FAM114A1: variants seen among roughly 807,000 people sequenced by gnomAD.
FAM114A1 encodes family with sequence similarity 114 member A1, also known as protein NOXP20.
FAM114A1 carries 62 observed loss-of-function variants against 64.3 expected under a neutral mutation model. That is an observed-to-expected ratio of 0.96 (90% CI 0.79 to 1.19). The LOEUF (loss-of-function observed/expected upper bound fraction) is 1.19. Ranked by LOEUF, FAM114A1 falls within the 50% of genes most tolerant of loss-of-function variation. FAM114A1 has a pLI of 0.00. For synonymous variants in FAM114A1, 254 were observed against 251.1 expected (o/e 1.01, Z -0.11); for missense variants, 645 against 676.3 (o/e 0.95, Z 0.51).
chr4:38,910,361 C>T (rs778890131), intron 7 of FAM114A1, among the ~76,000 whole-genome samples: 5 of 152,194 alleles, frequency 3.3e-5, no homozygotes, highest in South Asian at 2.1e-4. Context: ...GTTTACCTTT[C>T]GCTCTCACAA....
intron 4 of FAM114A1, among the ~76,000 whole-genome samples, chr4:38,903,220 G>A (rs1029050966): frequency 1.3e-5 from 2 of 152,160 alleles, no homozygotes; most frequent in Admixed American, 6.5e-5. Flanking sequence ...GTAACAAAGT[G>A]ATTTTTCTAG....
intron 3 of FAM114A1, among the ~76,000 whole-genome samples, chr4:38,889,851 T>A (rs1034311732): frequency 2.6e-5 from 4 of 152,142 alleles, no homozygotes; most frequent in African/African-American, 9.7e-5. Flanking sequence ...AGAATGGAGA[T>A]AGGCAGCTAC....
intron 1 of FAM114A1, chr4:38,868,087 G>A: frequency 2.4e-6 from 1 of 421,260 alleles, no homozygotes; most frequent in Non-Finnish European, 4.9e-6. Flanking sequence ...GTGTCGCTCC[G>A]GGTCCACGCT....
chr4:38,910,587 G>C (rs7696349), intron 7 of FAM114A1, among the ~76,000 whole-genome samples: 75,695 of 152,006 alleles, frequency 0.5, 21,511 homozygotes, highest in African/African-American at 0.77. Flanking sequence ...AAGAGGTGAT[G>C]AGGAATCAGA....
intron 13 of FAM114A1, among the ~76,000 whole-genome samples, chr4:38,937,206 C>T (rs1721185357): frequency 6.6e-6 from 1 of 152,188 alleles, no homozygotes; most frequent in Admixed American, 6.5e-5. Context: ...GCTGCTCTAA[C>T]AAAGTACCAT....
In FAM114A1 at chr4:38,914,938, G is replaced by A. The variant is rs1718890771; in HGVS notation, c.810G>A (p.Lys270=). 1.2e-6 allele frequency: 2 copies of A among 1,613,960 alleles called. No individual in the cohort carries two copies. Among genetic ancestry groups the A allele is most frequent in the Non-Finnish European group, 1.7e-6 (2 of 1,179,998 alleles). Residue 270 remains lysine (K), a synonymous_variant, in exon 8 of 15, where the codon AAG becomes AAA. Transcript: ENST00000358869. ...TTCTGCAGATGTTAAGGGAAGCTAA[G>A]GAGAAGGAGAAGCAGAGACTGGCAC... ...VSLSQMLREA[K]EKEKQRLAQQ... is the part of the protein sequence containing the mutation.
chr4:38,879,905 G>A (rs1289753252), intron 3 of FAM114A1, among the ~76,000 whole-genome samples: 7 of 151,446 alleles, frequency 4.6e-5, no homozygotes, highest in Non-Finnish European at 8.8e-5. Flanking sequence ...CTGTCTCTAC[G>A]AAAAATACAA....
At position 38,908,724 on chromosome 4, in the gene FAM114A1, C is replaced by T. The variant is rs1718259085; in HGVS notation, c.790C>T (p.Gln264Ter). 1 of 1,595,994 alleles carries T rather than the reference C, an allele frequency of 6.3e-7. No homozygotes were observed. The highest frequency in any genetic ancestry group is 1.7e-5 in the Admixed American group (1 of 59,758). ...TLMERTVSLS[Q>*]MLREAKEKEK... ...CATGGAGAGAACTGTTTCCTTGTCT[C>T]AGGTTGGATTATATACGTTTGCAAT... The change falls in exon 7 of 15, where the codon CAG becomes TAG. Residue 264 changes from glutamine to a stop codon, truncating the protein, a stop_gained and splice_region_variant. Transcript: ENST00000358869. LOFTEE classifies it high-confidence loss of function.
rs1719142695 is a variant in FAM114A1 at position 38,917,181 on chromosome 4, T to TAAATAA, written c.945+2112_945+2117dup. ...ATAAATAAATAAATAAATAAATAAA[T>TAAATAA]AAATAAAAAAGCTGGGCATGGTGGC... On this transcript the variant is annotated intron_variant, in intron 8 of 14. Coordinates refer to ENST00000358869, the MANE Select transcript of FAM114A1 (RefSeq NM_138389.4). 1.4e-5 allele frequency among the ~76,000 whole-genome samples: 2 copies of TAAATAA among 146,504 alleles called. 1 individual carries two copies. Among genetic ancestry groups the TAAATAA allele is most frequent in the African/African-American group, 5.3e-5 (2 of 37,656 alleles).
intron 4 of FAM114A1, among the ~76,000 whole-genome samples, chr4:38,894,323 C>G (rs539664862): frequency 6.6e-6 from 1 of 152,228 alleles, no homozygotes; most frequent in South Asian, 2.1e-4. Flanking sequence ...ATAATAAATA[C>G]TGCATCTTGT....
chr4:38,870,755 A>G (rs2109511793), intron 2 of FAM114A1, among the ~76,000 whole-genome samples: 1 of 152,288 alleles, frequency 6.6e-6, no homozygotes, highest in South Asian at 2.1e-4. Context: ...CGGAGATGGA[A>G]ACCGTCCCAG....
chr4:38,927,616 G>C (rs1720242960), intron 9 of FAM114A1, among the ~76,000 whole-genome samples: 1 of 152,176 alleles, frequency 6.6e-6, no homozygotes, highest in Admixed American at 6.5e-5. Flanking sequence ...ACCCCAGCTA[G>C]CCCTGTTTAT....
At chr4:38,892,544 A>C (rs1001471640) in intron 4 of FAM114A1, among the ~76,000 whole-genome samples, 1 of 152,178 alleles carries the variant, frequency 6.6e-6, no homozygotes, top group Non-Finnish European at 1.5e-5. Context: ...CCTGAGTGCA[A>C]ATTTGTCATG....
At chr4:38,923,082 C>T (rs902658833) in intron 9 of FAM114A1, among the ~76,000 whole-genome samples, 189 bp downstream of exon 9, 7 of 152,138 alleles carry the variant, frequency 4.6e-5, no homozygotes, top group African/African-American at 1.7e-4. Flanking sequence ...TTTCACTGGT[C>T]GGGAACTCCT....
intron 12 of FAM114A1, among the ~76,000 whole-genome samples, chr4:38,932,786 C>T (rs1720764358): frequency 6.6e-6 from 1 of 152,130 alleles, no homozygotes; most frequent in Non-Finnish European, 1.5e-5. Flanking sequence ...CATGAGCCAC[C>T]ATACCTGGCC....
Position 38,891,843 on chromosome 4 carries a change from T to A in FAM114A1, c.436+13T>A. 2 of 1,603,844 alleles carry A rather than the reference T, an allele frequency of 1.2e-6. No homozygotes were observed. Among genetic ancestry groups the A allele is most frequent in the Non-Finnish European group, 1.7e-6 (2 of 1,175,344 alleles). On this transcript the variant is annotated intron_variant, in intron 4 of 14. Transcript: ENST00000358869. ...TCTGCCACAGTAGGTAAGCATTGTA[T>A]GTTGCATTGGAATAGACAAAGTACC...
intron 6 of FAM114A1, 32 bp downstream of exon 6, chr4:38,905,893 T>C (rs1560308109): frequency 6.3e-7 from 1 of 1,577,232 alleles, no homozygotes; most frequent in Non-Finnish European, 8.6e-7. Context: ...CTCTTTCCCC[T>C]GTATTTCCCA....
chr4:38,879,529 C>T (rs1444784583), intron 3 of FAM114A1, among the ~76,000 whole-genome samples: 2 of 152,160 alleles, frequency 1.3e-5, no homozygotes, highest in Non-Finnish European at 2.9e-5. Context: ...CTCCTGTATT[C>T]AAGATTGGGC....
At position 38,922,790 on chromosome 4, in the gene FAM114A1, A is replaced by C. The variant is rs777759223; in HGVS notation, c.966A>C (p.Ser322=). Residue 322 remains serine (S), a synonymous_variant, in exon 9 of 15, where the codon TCA becomes TCC. Transcript: ENST00000358869. ...TTCAGGTTCAGTCATTTTTAGCATC[A>C]CTTGATGGAGAGAAGCTGGAACTCT... The part of the protein sequence containing the change: ...SESKVQSFLA[S]LDGEKLELLK... 2 of 1,611,016 alleles carry C rather than the reference A, an allele frequency of 1.2e-6. No individual in the cohort carries two copies.
Sources: allele counts gnomAD v4.1 joint callset (sites outside exome capture counted in the v4.1 genomes callset), GRCh38; gene constraint gnomAD v4.1.1; transcripts MANE v1.5; gene names NCBI Gene and HGNC (gene_info 2026-07-23, HGNC 2026-07-21).